Variants in MAP3K3 observed in about 807,000 individuals in gnomAD.
The protein encoded by MAP3K3 is mitogen-activated protein kinase kinase kinase 3, also known as MAP/ERK kinase kinase 3.
In MAP3K3, 12 loss-of-function variants were observed where a neutral mutation model predicts 80.9. The ratio of observed to expected loss-of-function variants is 0.15; its 90% confidence interval spans 0.10 to 0.24. The LOEUF is 0.24. MAP3K3 is among the 10% of genes least tolerant of loss of function. The pLI, the probability that MAP3K3 is intolerant of heterozygous loss-of-function variation, is 1.00. For missense variants in MAP3K3, 596 were observed against 834.7 expected (o/e 0.71, Z 3.52); for synonymous variants, 272 against 307.1 (o/e 0.89, Z 1.19).
chr17:63,674,635 G>A (rs1467159134), intron 6 of MAP3K3, among the ~76,000 whole-genome samples: 1 of 152,116 alleles, frequency 6.6e-6, no homozygotes, highest in African/African-American at 2.4e-5. Flanking sequence ...ATAGGTATGA[G>A]CCACCATGCC....
chr17:63,677,277 C>T (rs974868227), intron 6 of MAP3K3, among the ~76,000 whole-genome samples: 3 of 152,210 alleles, frequency 2.0e-5, no homozygotes, highest in Non-Finnish European at 4.4e-5. Context: ...CCGTGCACCT[C>T]ACTTACCTCC....
At chr17:63,638,532 T>G (rs1281312702) in intron 2 of MAP3K3, among the ~76,000 whole-genome samples, 1 of 152,234 alleles carries the variant, frequency 6.6e-6, no homozygotes, top group Non-Finnish European at 1.5e-5. Context: ...TTATTCCTGT[T>G]GCTCCTGCTG....
chr17:63,682,937 C>T (rs1277727452), intron 7 of MAP3K3, among the ~76,000 whole-genome samples: 6 of 152,254 alleles, frequency 3.9e-5, no homozygotes, highest in African/African-American at 1.4e-4. Context: ...ACCACAGTGG[C>T]TCAGCCATTT....
intron 2 of MAP3K3, among the ~76,000 whole-genome samples, chr17:63,638,621 G>A (rs887006147): frequency 6.6e-6 from 1 of 152,156 alleles, no homozygotes. Context: ...GCTCTCACCG[G>A]ATTGCCTGTG....
rs772217096 is a variant in MAP3K3, at chr17:63,693,531, G to A, written c.1653-18G>A. 1.5e-5 allele frequency: 24 copies of A among 1,591,152 alleles called. No individual in the cohort carries two copies. Among genetic ancestry groups the A allele is most frequent in the South Asian group, 1.0e-4 (9 of 88,200 alleles). On this transcript the variant is annotated intron_variant, in intron 15 of 15. Transcript: ENST00000361733. This position sits in a 1 kb window ranked among gnomAD's most constrained non-coding sequence, Gnocchi z 4.2. ...TCCAGGGCTGGCTGAGGGGTGACAC[G>A]GGGTTCTCTCTTTCCAGGAGCCTGG...
At chr17:63,683,993 C>CAA (rs879856434) in intron 7 of MAP3K3, among the ~76,000 whole-genome samples, 14 of 142,004 alleles carry the variant, frequency 9.9e-5, no homozygotes, top group African/African-American at 3.4e-4. Context: ...CCTGTCTCTA[C>CAA]AAAAAAAAAA....
intron 6 of MAP3K3, among the ~76,000 whole-genome samples, chr17:63,668,632 T>C (rs571090872): frequency 4.6e-5 from 7 of 152,304 alleles, no homozygotes; most frequent in Non-Finnish European, 7.4e-5. Flanking sequence ...CTATGATATG[T>C]GCATGGAGGC....
In MAP3K3 at chr17:63,688,813, A is replaced by G. The variant is rs760333977; in HGVS notation, c.803A>G (p.Lys268Arg). Residue 268 changes from lysine (K) to arginine (R), a missense_variant, in exon 10 of 16, where the codon AAA becomes AGA. Transcript: ENST00000361733. ...YSDRETQLYD[K>R]GVKGGTYPRR... is the part of the protein sequence containing the mutation. Reference sequence around the variant, plus strand: ...GATCGGGAAACTCAGCTTTATGACAAAGGGGTCAAAGGTGGAACCTACCCC... The same window carrying G: ...GATCGGGAAACTCAGCTTTATGACAGAGGGGTCAAAGGTGGAACCTACCCC... 48 of 1,613,736 alleles carry G rather than the reference A, an allele frequency of 3.0e-5. 1 individual carries two copies. Among genetic ancestry groups the G allele is most frequent in the Admixed American group, 2.7e-4 (16 of 59,978 alleles).
chr17:63,651,249 C>T (rs983644115), intron 3 of MAP3K3, among the ~76,000 whole-genome samples: 7 of 152,002 alleles, frequency 4.6e-5, no homozygotes, highest in Admixed American at 2.0e-4. Context: ...TTTGGAAGGC[C>T]GACGTGGGAG....
intron 5 of MAP3K3, among the ~76,000 whole-genome samples, chr17:63,661,155 T>C (rs1190611360): frequency 6.6e-6 from 1 of 152,222 alleles, no homozygotes; most frequent in East Asian, 1.9e-4. Context: ...CAAGTGATTC[T>C]CCTGCCTCAG....
chr17:63,677,567 G>A (rs140491741), intron 6 of MAP3K3, among the ~76,000 whole-genome samples: 64 of 152,336 alleles, frequency 4.2e-4, no homozygotes, highest in African/African-American at 1.5e-3. Flanking sequence ...ACTGGAAAGT[G>A]GAGTAGTTCC....
chr17:63,630,691 A>G (rs929818484), intron 1 of MAP3K3, among the ~76,000 whole-genome samples: 2 of 152,108 alleles, frequency 1.3e-5, no homozygotes, highest in Non-Finnish European at 2.9e-5. Context: ...GATGGGATAT[A>G]TATGTGTTAA....
intron 6 of MAP3K3, among the ~76,000 whole-genome samples, chr17:63,679,968 T>G (rs1437816606): frequency 6.6e-6 from 1 of 152,194 alleles, no homozygotes; most frequent in Non-Finnish European, 1.5e-5. Flanking sequence ...GAGGATTGCC[T>G]GAGCCCAGGA....
intron 5 of MAP3K3, among the ~76,000 whole-genome samples, chr17:63,665,237 C>G (rs901493763): frequency 2.0e-5 from 3 of 152,048 alleles, no homozygotes; most frequent in African/African-American, 7.2e-5. Context: ...GCGATCTCGG[C>G]TCACTGCAAG....
intron 1 of MAP3K3, among the ~76,000 whole-genome samples, chr17:63,626,995 T>A (rs2034116211): frequency 1.3e-5 from 2 of 152,216 alleles, no homozygotes; most frequent in South Asian, 4.1e-4. Flanking sequence ...TGGCAACTTT[T>A]CTGGGTTGTT....
chr17:63,646,091 A>C lies in MAP3K3; in HGVS notation c.167+17A>C. The C allele has an allele frequency of 1.2e-6, 2 of 1,612,914 alleles. No homozygotes were observed. The highest frequency in any genetic ancestry group is 2.2e-5 in the South Asian group (2 of 91,020). ...GGAGAGGCGGTAAGTCTGCCTTCTGATGAGTAGCTGTGTTCATGTATGCCA... is the reference window on the plus strand; with the variant it reads ...GGAGAGGCGGTAAGTCTGCCTTCTGCTGAGTAGCTGTGTTCATGTATGCCA... On this transcript the variant is annotated intron_variant, in intron 3 of 15. Coordinates refer to ENST00000361733, the MANE Select transcript of MAP3K3 (RefSeq NM_002401.5).
intron 1 of MAP3K3, among the ~76,000 whole-genome samples, chr17:63,623,396 G>T (rs994094210): frequency 3.3e-5 from 5 of 152,188 alleles, no homozygotes; most frequent in Admixed American, 3.3e-4. Context: ...GGAGTTGGTC[G>T]GATGCTGCCA....
chr17:63,638,677 G>C (rs529037723), intron 2 of MAP3K3, among the ~76,000 whole-genome samples: 7 of 152,282 alleles, frequency 4.6e-5, no homozygotes, highest in Non-Finnish European at 1.0e-4. Flanking sequence ...TTCTGTACTA[G>C]AACTTTTTTC....
At chr17:63,688,718 T>A in intron 9 of MAP3K3, 71 bp from the exon 10 acceptor site, 1 of 1,392,396 alleles carries the variant, frequency 7.2e-7, no homozygotes. Flanking sequence ...CTCAGGTGCC[T>A]TGGGGACTTG....
Sources: gnomAD v4.1 joint callset for allele counts (sites outside exome capture counted in the v4.1 genomes callset) on GRCh38, gnomAD v4.1.1 for gene constraint, Gnocchi (gnomAD v3.1) non-coding constraint, MANE v1.5 for transcripts, NCBI Gene and HGNC (gene_info 2026-07-23, HGNC 2026-07-21) for gene names.